TBCA: variants seen among roughly 807,000 people sequenced by gnomAD.
TBCA encodes tubulin folding cofactor A.
A neutral mutation model predicts 15.8 loss-of-function variants in TBCA; 6 were observed. That is an observed-to-expected ratio of 0.38 (90% CI 0.21 to 0.75). The LOEUF is 0.75. TBCA is among the 30% of genes least tolerant of loss of function. The probability of loss-of-function intolerance (pLI) is 0.46; values close to 1 mark genes in which losing one functional copy is unlikely to be tolerated. For missense variants in TBCA, 90 were observed against 131.2 expected, an observed-to-expected ratio of 0.69 and a Z score of 1.53; for synonymous variants, 32 against 42.3, an observed-to-expected ratio of 0.76 and a Z score of 0.94.
chr5:77,720,061 TC>T (rs1746494221), intron 1 of TBCA, among the ~76,000 whole-genome samples: 1 of 152,108 alleles, frequency 6.6e-6, no homozygotes, highest in Non-Finnish European at 1.5e-5. Flanking sequence ...TATTTAGACA[TC>T]CCCACTAGCA....
chr5:77,716,764 A>G (rs190046869), intron 1 of TBCA, among the ~76,000 whole-genome samples: 1 of 152,224 alleles, frequency 6.6e-6, no homozygotes, highest in African/African-American at 2.4e-5. Flanking sequence ...CAATTACAGC[A>G]GGCATTGTTA....
intron 1 of TBCA, among the ~76,000 whole-genome samples, chr5:77,759,740 A>T (rs1747561625): frequency 6.6e-6 from 1 of 152,330 alleles, no homozygotes; most frequent in African/African-American, 2.4e-5. Context: ...CTTCAGAAGC[A>T]TCCCACAAAA....
In TBCA at chr5:77,732,396, A is replaced by T. The variant is rs538686864; in HGVS notation, c.54-24049T>A. Among the ~76,000 whole-genome samples, 31 of 151,992 alleles carry T rather than the reference A, an allele frequency of 2.0e-4. No homozygotes were observed. In the East Asian group the frequency reaches 6.0e-3, roughly 29 times the overall value. On this transcript the variant is annotated intron_variant, in intron 1 of 3. Coordinates refer to ENST00000380377, the MANE Select transcript of TBCA (RefSeq NM_004607.3). Reference sequence around the variant, plus strand: ...GTTTGACCATCTCTACTAAAAATACAAAAAATTAGCCGGGCGTGGTGACGG... The same window carrying T: ...GTTTGACCATCTCTACTAAAAATACTAAAAATTAGCCGGGCGTGGTGACGG...
At chr5:77,743,804 T>C (rs1747105276) in intron 1 of TBCA, among the ~76,000 whole-genome samples, 1 of 152,150 alleles carries the variant, frequency 6.6e-6, no homozygotes, top group Non-Finnish European at 1.5e-5. Context: ...CATCTATAAA[T>C]ACCCTATTTT....
At chr5:77,763,326 A>G (rs1478650858) in intron 1 of TBCA, among the ~76,000 whole-genome samples, 2 of 152,210 alleles carry the variant, frequency 1.3e-5, no homozygotes, top group African/African-American at 4.8e-5. Context: ...CTAAACAAAG[A>G]CAGTATAATG....
intron 1 of TBCA, among the ~76,000 whole-genome samples, chr5:77,751,445 C>G (rs996898282): frequency 1.3e-5 from 2 of 151,978 alleles, no homozygotes; most frequent in African/African-American, 4.8e-5. Context: ...TCCTAAAGTG[C>G]TGGGATTACA....
At chr5:77,739,286 C>G (rs537281407) in intron 1 of TBCA, among the ~76,000 whole-genome samples, 1 of 151,916 alleles carries the variant, frequency 6.6e-6, no homozygotes, top group African/African-American at 2.4e-5. Context: ...CATGGTGAAC[C>G]CTTGTCTCCA....
intron 1 of TBCA, among the ~76,000 whole-genome samples, chr5:77,772,745 C>T (rs911212264): frequency 1.3e-5 from 2 of 152,154 alleles, no homozygotes; most frequent in African/African-American, 4.8e-5. Flanking sequence ...ATGGGAGACA[C>T]TTCCATTAAT....
At chr5:77,703,184 T>C (rs1348872036) in intron 2 of TBCA, among the ~76,000 whole-genome samples, 1 of 152,242 alleles carries the variant, frequency 6.6e-6, no homozygotes, top group Non-Finnish European at 1.5e-5. Context: ...GTGAAAACTC[T>C]TTTGTGAGAA....
At chr5:77,746,921 T>C (rs182814924) in intron 1 of TBCA, among the ~76,000 whole-genome samples, 157 of 152,258 alleles carry the variant, frequency 1.0e-3, no homozygotes, top group African/African-American at 3.6e-3. Context: ...GCCAAATTTC[T>C]AATAGCTTTA....
At chr5:77,701,130 T>C (rs532904114) in intron 2 of TBCA, among the ~76,000 whole-genome samples, 44 of 151,956 alleles carry the variant, frequency 2.9e-4, no homozygotes, top group Admixed American at 5.2e-4. Context: ...CAGACAACCA[T>C]AGAGTGGGAG....
intron 1 of TBCA, among the ~76,000 whole-genome samples, chr5:77,749,512 G>C (rs1286118371): frequency 2.0e-5 from 3 of 152,116 alleles, no homozygotes; most frequent in South Asian, 2.1e-4. Context: ...ACCTAACTTT[G>C]TTTTAATTTC....
chr5:77,759,657 G>A (rs1486025205), intron 1 of TBCA, among the ~76,000 whole-genome samples: 2 of 152,160 alleles, frequency 1.3e-5, no homozygotes, highest in African/African-American at 2.4e-5. Context: ...CTGCAAAGAT[G>A]CCTATTAATG....
chr5:77,692,930 T>A (rs1580086290), intron 3 of TBCA: 1 of 1,267,720 alleles, frequency 7.9e-7, no homozygotes, highest in Non-Finnish European at 9.9e-7. Context: ...TTTTAATCAG[T>A]CAACTCATCC....
At chr5:77,736,871 T>G (rs1746921019) in intron 1 of TBCA, among the ~76,000 whole-genome samples, 1 of 152,198 alleles carries the variant, frequency 6.6e-6, no homozygotes. Context: ...AAATAGTAAC[T>G]CAACAGTCAT....
chr5:77,711,351 C>G (rs1161335590), intron 1 of TBCA, among the ~76,000 whole-genome samples: 2 of 152,044 alleles, frequency 1.3e-5, no homozygotes, highest in African/African-American at 4.8e-5. Flanking sequence ...GGGTTGCTGA[C>G]CCCTGACTTG....
At chr5:77,694,390 A>G (rs982409433) in intron 2 of TBCA, 42 of 152,210 alleles carry the variant, frequency 2.8e-4, no homozygotes, top group African/African-American at 9.9e-4. Flanking sequence ...AGAAATATGT[A>G]TTCTAGAGGA....
chr5:77,704,664 C>A (rs934647005), intron 2 of TBCA, among the ~76,000 whole-genome samples: 1 of 149,790 alleles, frequency 6.7e-6, no homozygotes, highest in African/African-American at 2.5e-5. Flanking sequence ...TTATGCAACA[C>A]CCATTGTATA....
At chr5:77,719,262 T>C (rs1580106659) in intron 1 of TBCA, among the ~76,000 whole-genome samples, 1 of 152,210 alleles carries the variant, frequency 6.6e-6, no homozygotes, top group East Asian at 1.9e-4. Context: ...AGTGTCAATA[T>C]TTTCTACAGA....
Sources: gnomAD v4.1 joint callset for allele counts (sites outside exome capture counted in the v4.1 genomes callset) on GRCh38, gnomAD v4.1.1 for gene constraint, MANE v1.5 for transcripts, NCBI Gene and HGNC (gene_info 2026-07-23, HGNC 2026-07-21) for gene names.